Variants in SP140 observed in about 807,000 individuals in gnomAD.
SP140 encodes SP140 nuclear body protein, also known as nuclear body protein SP140.
A neutral mutation model predicts 125.0 loss-of-function variants in SP140; 81 were observed. That is an observed-to-expected ratio of 0.65 (90% CI 0.54 to 0.78). The LOEUF is 0.78. SP140 is among the 30% of genes least tolerant of loss of function. The pLI is 0.00. For missense variants in SP140, 858 were observed against 1,037.0 expected, an observed-to-expected ratio of 0.83 and a Z score of 2.37; for synonymous variants, 312 against 354.0, an observed-to-expected ratio of 0.88 and a Z score of 1.33.
chr2:230,266,628 C>T (rs1244254404), intron 12 of SP140, among the ~76,000 whole-genome samples: 5 of 152,218 alleles, frequency 3.3e-5, no homozygotes, highest in African/African-American at 1.2e-4. Flanking sequence ...GAAGTCTTGG[C>T]TGAAGGCTCT....
At chr2:230,250,582 G>C (rs974097680) in intron 9 of SP140, among the ~76,000 whole-genome samples, 2 of 152,124 alleles carry the variant, frequency 1.3e-5, no homozygotes, top group African/African-American at 4.8e-5. Flanking sequence ...TAAATGAGAT[G>C]GGGAAAGCCA....
intron 21 of SP140, among the ~76,000 whole-genome samples, chr2:230,294,956 A>C (rs1438795977): frequency 2.0e-5 from 3 of 152,226 alleles, no homozygotes; most frequent in Admixed American, 6.5e-5. Context: ...AGATCTCCAG[A>C]GGCAAATGTA....
chr2:230,270,505 T>G, intron 14 of SP140, 81 bp from the exon 15 acceptor site: 3 of 1,355,088 alleles, frequency 2.2e-6, no homozygotes, highest in Non-Finnish European at 3.1e-6. Flanking sequence ...AACTCAAGCC[T>G]TCTGTAGTAT....
chr2:230,194,349 G>A, the SP140 span, among the ~76,000 whole-genome samples: 2 of 151,986 alleles, frequency 1.3e-5, no homozygotes. Context: ...ACCTGTATCC[G>A]AGAACTTTGG....
chr2:230,266,641 G>A (rs2053170631), intron 12 of SP140, among the ~76,000 whole-genome samples: 1 of 152,238 alleles, frequency 6.6e-6, no homozygotes, highest in Admixed American at 6.5e-5. Context: ...AAGGCTCTGA[G>A]AATCTTGCAA....
At chr2:230,227,994 A>G (rs2046707966) in intron 1 of SP140, among the ~76,000 whole-genome samples, 1 of 152,076 alleles carries the variant, frequency 6.6e-6, no homozygotes, top group African/African-American at 2.4e-5. Context: ...CTCAGATGAA[A>G]GCTTAGATTA....
chr2:230,207,365 A>G (rs1327825905), intron 1 of SP140, among the ~76,000 whole-genome samples: 1 of 152,166 alleles, frequency 6.6e-6, no homozygotes, highest in Non-Finnish European at 1.5e-5. Flanking sequence ...TCAGTAAAGA[A>G]TTATTTTCCC....
intron 23 of SP140, chr2:230,310,405 G>A: frequency 2.0e-6 from 1 of 506,780 alleles, no homozygotes; most frequent in Non-Finnish European, 3.6e-6. Context: ...TTGGGCTGTT[G>A]GAGGCCCGAG....
the SP140 span, among the ~76,000 whole-genome samples, chr2:230,188,427 A>G: frequency 6.6e-6 from 1 of 152,126 alleles, no homozygotes; most frequent in African/African-American, 2.4e-5. Context: ...TGATCATATA[A>G]TCAGGGAACA....
intron 3 of SP140, among the ~76,000 whole-genome samples, chr2:230,241,128 G>A (rs548576185): frequency 2.0e-5 from 3 of 152,292 alleles, no homozygotes; most frequent in South Asian, 2.1e-4. Context: ...AAAGGAAGGC[G>A]CCATTGCTGG....
the SP140 span, among the ~76,000 whole-genome samples, chr2:230,197,932 G>A: frequency 2.6e-5 from 4 of 152,332 alleles, no homozygotes; most frequent in Non-Finnish European, 5.9e-5. Flanking sequence ...GATTACAGGT[G>A]TGAGCTACCA....
the SP140 span, among the ~76,000 whole-genome samples, chr2:230,190,660 A>C: frequency 3.8e-5 from 4 of 105,044 alleles, no homozygotes; most frequent in Non-Finnish European, 6.0e-5. Flanking sequence ...ATATTGCTTC[A>C]GTTTTCTTCT....
chr2:230,263,233 C>A (rs567634215), intron 12 of SP140, among the ~76,000 whole-genome samples: 9 of 152,186 alleles, frequency 5.9e-5, no homozygotes, highest in Admixed American at 1.3e-4. Flanking sequence ...TCTCTTTTAA[C>A]TGCTGTTGCC....
At chr2:230,284,630 G>T (rs1272169188) in intron 16 of SP140, among the ~76,000 whole-genome samples, 3 of 152,168 alleles carry the variant, frequency 2.0e-5, no homozygotes, top group Non-Finnish European at 4.4e-5. Flanking sequence ...CAGTTAATAG[G>T]GAGGTGTTAT....
rs144681991 is a variant in SP140 at position 230,271,783 on chromosome 2, A to C, written c.1498+1144A>C. Among the ~76,000 whole-genome samples the C allele has an allele frequency of 2.0e-3, 297 of 152,270 alleles. 2 individuals are homozygous for C. Among genetic ancestry groups the C allele is most frequent in the South Asian group, 3.3e-3 (16 of 4,828 alleles). ...CTATCCAGGTCAAAAAACATGATAA[A>C]ATGAGGAGATTCACTGTCAGGGACG... On this transcript the variant is annotated intron_variant, in intron 15 of 26. Coordinates refer to ENST00000392045, the MANE Select transcript of SP140 (RefSeq NM_007237.5).
chr2:230,192,239 C>G, the SP140 span, among the ~76,000 whole-genome samples: 1 of 152,174 alleles, frequency 6.6e-6, no homozygotes, highest in African/African-American at 2.4e-5. Flanking sequence ...CAAGGATGCC[C>G]TCTCTCACCA....
At chr2:230,268,852 C>T (rs1307522455) in intron 12 of SP140, among the ~76,000 whole-genome samples, 6 of 152,156 alleles carry the variant, frequency 3.9e-5, no homozygotes, top group Non-Finnish European at 8.8e-5. Flanking sequence ...CAAGAATCTT[C>T]AAGATAATCT....
In SP140 at chr2:230,307,980, TATATATATATACAC is replaced by T. The variant is rs1322462453; in HGVS notation, c.2059-1942_2059-1929del. Among the ~76,000 whole-genome samples the T allele has an allele frequency of 5.9e-3, 562 of 96,046 alleles. 6 individuals are homozygous for T. The highest frequency in any genetic ancestry group is 0.018 in the African/African-American group (469 of 25,960). The allele number at this position is 96,046 out of a possible 152,430, so 63.0% of individuals were successfully genotyped here. A position where few individuals can be genotyped will look rare whatever the true frequency, so the allele number is the denominator to read the frequency against. ...GTATATATATATATATATATATATA[TATATATATATACAC>T]ACACACACACACACACACACACAGA... On this transcript the variant is annotated intron_variant, in intron 22 of 26. Transcript: ENST00000392045.
chr2:230,225,802 G>A lies in SP140; in HGVS notation c.-43G>A, dbSNP rs376827464. The A allele has an allele frequency of 7.9e-5, 122 of 1,551,234 alleles. No individual in the cohort carries two copies. The highest frequency in any genetic ancestry group is 7.2e-4 in the African/African-American group (53 of 73,802). ...TCACCTCAGAGCTGCAGGAAGGAAC[G>A]GGGCAGTGAAAATCGAATCGGGTGT... On this transcript the variant is annotated 5_prime_UTR_variant, in exon 1 of 27. Coordinates refer to ENST00000392045, the MANE Select transcript of SP140 (RefSeq NM_007237.5).
Sources: gnomAD v4.1 joint callset for allele counts (sites outside exome capture counted in the v4.1 genomes callset) on GRCh38, gnomAD v4.1.1 for gene constraint, MANE v1.5 for transcripts, NCBI Gene and HGNC (gene_info 2026-07-23, HGNC 2026-07-21) for gene names.